Variants in CRISP1 observed in about 807,000 individuals in gnomAD.
CRISP1 encodes cysteine rich secretory protein 1.
A neutral mutation model predicts 33.1 loss-of-function variants in CRISP1; 44 were observed. The ratio of observed to expected loss-of-function variants is 1.33; its 90% CI spans 1.05 to 1.71. CRISP1 has a LOEUF of 1.71. Ranked by LOEUF, CRISP1 falls within the 40% of genes most tolerant of loss-of-function variation. CRISP1 has a pLI of 0.00. For missense variants in CRISP1, 390 were observed against 301.2 expected, an observed-to-expected ratio of 1.29 and a Z score of -2.18; for synonymous variants, 103 against 98.7, an observed-to-expected ratio of 1.04 and a Z score of -0.26.
intron 1 of CRISP1, among the ~76,000 whole-genome samples, chr6:49,872,099 G>A (rs965170337): frequency 6.6e-5 from 10 of 152,262 alleles, no homozygotes; most frequent in African/African-American, 2.2e-4. Flanking sequence ...ATTCTAACTG[G>A]TGTGAGATGA....
chr6:49,857,361 A>C lies in CRISP1; in HGVS notation c.40T>G (p.Cys14Gly), dbSNP rs773221352. 5.0e-6 allele frequency: 8 copies of C among 1,613,022 alleles called. No homozygotes were observed. The highest frequency in any genetic ancestry group is 6.8e-6 in the Non-Finnish European group (8 of 1,179,340). ...KHLLFLVAAACLLPMLSMKKK... is the reference protein window; with the variant it reads ...KHLLFLVAAAGLLPMLSMKKK... ...TTCATGGACAACATAGGCAGTAAGCAAGCAGCAGCAACCAAAAACAAGAGG... is the reference window on the plus strand; with the variant it reads ...TTCATGGACAACATAGGCAGTAAGCCAGCAGCAGCAACCAAAAACAAGAGG... The change falls in exon 2 of 8, where the codon TGC becomes GGC. Residue 14 changes from cysteine to glycine, a missense_variant. Physicochemically the swap from Cys to Gly is radical, Grantham distance 159 (BLOSUM62 -3). Transcript: ENST00000335847.
intron 1 of CRISP1, among the ~76,000 whole-genome samples, chr6:49,865,832 G>A (rs1052498414): frequency 6.6e-6 from 1 of 152,180 alleles, no homozygotes; most frequent in Non-Finnish European, 1.5e-5. Context: ...CAGATGGAAA[G>A]ACTGCAGAAA....
upstream of CRISP1, among the ~76,000 whole-genome samples, chr6:49,869,787 C>T (rs556483583): frequency 8.7e-4 from 133 of 152,242 alleles, no homozygotes; most frequent in African/African-American, 3.1e-3. Context: ...GTGTTGGAAC[C>T]TAATACCTAA....
intron 7 of CRISP1, among the ~76,000 whole-genome samples, chr6:49,836,513 AT>A (rs1290258839): frequency 1.3e-5 from 2 of 149,288 alleles, no homozygotes; most frequent in Non-Finnish European, 1.5e-5. Flanking sequence ...TTTTTTTTTT[AT>A]TTTTTAGTAG....
chr6:49,841,958 C>T (rs1771004830), intron 5 of CRISP1, among the ~76,000 whole-genome samples: 1 of 152,192 alleles, frequency 6.6e-6, no homozygotes. Context: ...ATTGTTCTCA[C>T]TCGCCCTCCC....
intron 1 of CRISP1, among the ~76,000 whole-genome samples, chr6:49,876,435 G>T (rs1453998379): frequency 1.3e-5 from 2 of 151,462 alleles, no homozygotes; most frequent in Non-Finnish European, 3.0e-5. Flanking sequence ...TACACTGTTG[G>T]TGGGAGTGTA....
At chr6:49,843,478 A>G (rs2127470774) in intron 5 of CRISP1, among the ~76,000 whole-genome samples, 1 of 152,336 alleles carries the variant, frequency 6.6e-6, no homozygotes, top group East Asian at 1.9e-4. Flanking sequence ...ATGTGAGAAC[A>G]TAGTGAAAGG....
chr6:49,854,538 T>G (rs1043588018), intron 2 of CRISP1, among the ~76,000 whole-genome samples: 2 of 152,292 alleles, frequency 1.3e-5, no homozygotes, highest in Non-Finnish European at 2.9e-5. Flanking sequence ...GGCTACATGC[T>G]GCTTATTTCT....
chr6:49,863,667 G>A (rs1369317132), intron 1 of CRISP1, among the ~76,000 whole-genome samples: 2 of 152,190 alleles, frequency 1.3e-5, no homozygotes, highest in Non-Finnish European at 2.9e-5. Flanking sequence ...AAAGATCAAA[G>A]ATGAGGGAAA....
chr6:49,835,309 C>T lies in CRISP1; in HGVS notation c.*7G>A, dbSNP rs755731959. The T allele has an allele frequency of 1.2e-5, 19 of 1,613,016 alleles. No individual in the cohort carries two copies. Among genetic ancestry groups the T allele is most frequent in the East Asian group, 2.2e-5 (1 of 44,826 alleles). On this transcript the variant is annotated 3_prime_UTR_variant, in exon 8 of 8. Transcript: ENST00000335847. The stretch of plus-strand genomic sequence containing the variant: ...CACAGCATAGAACAGTTGAAAATAA[C>T]AAAGACCTATTTTATCTCAGTGTCA...
At chr6:49,856,586 A>T (rs1327088331) in intron 2 of CRISP1, among the ~76,000 whole-genome samples, 1 of 152,184 alleles carries the variant, frequency 6.6e-6, no homozygotes, top group East Asian at 1.9e-4. Flanking sequence ...TTTTCTTTCC[A>T]CAATAAAACT....
chr6:49,875,007 G>A (rs571964404), intron 1 of CRISP1, among the ~76,000 whole-genome samples: 3 of 151,916 alleles, frequency 2.0e-5, no homozygotes, highest in Non-Finnish European at 4.4e-5. Flanking sequence ...CACAAGACGA[G>A]GATGCCCTTT....
chr6:49,836,982 T>A (rs898587197), intron 7 of CRISP1, among the ~76,000 whole-genome samples: 2 of 149,158 alleles, frequency 1.3e-5, no homozygotes, highest in African/African-American at 5.1e-5. Flanking sequence ...TATCAGTGGA[T>A]TTTTTTTTCT....
intron 4 of CRISP1, among the ~76,000 whole-genome samples, chr6:49,847,224 G>T (rs1427550219): frequency 6.6e-6 from 1 of 152,016 alleles, no homozygotes; most frequent in African/African-American, 2.4e-5. Flanking sequence ...TTTAAAACAT[G>T]TTAATTAAAA....
At chr6:49,840,811 C>T in intron 6 of CRISP1, 87 bp downstream of exon 6, 1 of 1,000,392 alleles carries the variant, frequency 1.0e-6, no homozygotes, top group Non-Finnish European at 1.5e-6. Context: ...TTGCTACAAA[C>T]ATTTATGCAC....
intron 6 of CRISP1, 76 bp from the exon 7 acceptor site, chr6:49,838,601 C>A (rs1354204942): frequency 2.8e-6 from 3 of 1,062,392 alleles, no homozygotes; most frequent in Non-Finnish European, 4.2e-6. Context: ...AGTGTACAAC[C>A]AATTTTAAAA....
intron 5 of CRISP1, among the ~76,000 whole-genome samples, chr6:49,841,656 G>A (rs749312709): frequency 1.3e-5 from 2 of 152,136 alleles, no homozygotes; most frequent in African/African-American, 2.4e-5. Context: ...AATGAAGGCT[G>A]CTTGGTGGTT....
In CRISP1 at chr6:49,856,672, T is replaced by A. The variant is rs987305902; in HGVS notation, c.66+663A>T. Among the ~76,000 whole-genome samples, 6 of 152,178 alleles carry A rather than the reference T, an allele frequency of 3.9e-5. 1 individual carries two copies. The highest frequency in any genetic ancestry group is 2.1e-4 in the South Asian group (1 of 4,836). ...CCACTCATTTTCTATACCAAAGTTA[T>A]TTACTTCAGTTTGTCACAAAATTTG... On this transcript the variant is annotated intron_variant, in intron 2 of 7. Transcript: ENST00000335847.
Position 49,835,393 on chromosome 6 carries a change from G to A in CRISP1, c.673C>T (p.His225Tyr). Reference sequence around the variant, plus strand: ...GTTGAGTGGTTGCATCCCAGATAATGGACTTGTATGTCACAGTCGAAGTAT... The same window carrying A: ...GTTGAGTGGTTGCATCCCAGATAATAGACTTGTATGTCACAGTCGAAGTAT... ...DEYFDCDIQV[H>Y]YLGCNHSTTI... Residue 225 changes from histidine to tyrosine, a missense_variant, in exon 8 of 8, where the codon CAT becomes TAT. Physicochemically the swap from His to Tyr is moderately conservative, Grantham distance 83. Coordinates refer to ENST00000335847, the MANE Select transcript of CRISP1 (RefSeq NM_001131.3). 6.2e-7 allele frequency: 1 copy of A among 1,613,508 alleles called. No homozygotes were observed. Among genetic ancestry groups the A allele is most frequent in the Non-Finnish European group, 8.5e-7 (1 of 1,179,484 alleles).
Sources: allele counts gnomAD v4.1 joint callset (sites outside exome capture counted in the v4.1 genomes callset), GRCh38; gene constraint gnomAD v4.1.1; transcripts MANE v1.5; gene names NCBI Gene and HGNC (gene_info 2026-07-23, HGNC 2026-07-21).